Variants in NOS3 observed in about 807,000 individuals in gnomAD.
NOS3 encodes NOS type III.
A neutral mutation model predicts 144.9 loss-of-function variants in NOS3; 98 were observed. The ratio of observed to expected loss-of-function variants is 0.68; its 90% CI spans 0.57 to 0.80. The LOEUF (loss-of-function observed/expected upper bound fraction) is 0.80. Among genes scored for constraint, NOS3 ranks in the 30% least tolerant of loss-of-function variants. The probability of loss-of-function intolerance (pLI) is 0.00; values close to 1 mark genes in which losing one functional copy is unlikely to be tolerated. For synonymous variants in NOS3, 714 were observed against 702.4 expected (o/e 1.02, Z -0.26); for missense variants, 1,465 against 1,656.4 (o/e 0.88, Z 2.01).
rs376955666 is a variant in NOS3 at position 151,014,198 on chromosome 7, G to A, written c.*29G>A. ...CCGCCTGGCTTTCCCTTCCAGTTCC[G>A]GGAGAGCGGCTGCCCGACTCAGGTC... is the stretch of plus-strand genomic sequence containing the variant. On this transcript the variant is annotated 3_prime_UTR_variant, in exon 27 of 27. Coordinates refer to ENST00000297494, the MANE Select transcript of NOS3 (RefSeq NM_000603.5). 26 of 1,578,858 alleles carry A rather than the reference G, an allele frequency of 1.6e-5. No individual in the cohort carries two copies. The African/African-American group carries it at 3.1e-4, about 19-fold the overall frequency.
chr7:150,999,739 G>A (rs1185915775), intron 9 of NOS3, among the ~76,000 whole-genome samples: 1 of 149,724 alleles, frequency 6.7e-6, no homozygotes, highest in African/African-American at 2.5e-5. Flanking sequence ...GAGACTGTGG[G>A]TTTGTGGGGG....
intron 2 of NOS3, among the ~76,000 whole-genome samples, chr7:150,994,822 A>T (rs1179820970): frequency 6.6e-6 from 1 of 152,184 alleles, no homozygotes; most frequent in Non-Finnish European, 1.5e-5. Flanking sequence ...GAGGGAAATC[A>T]GAGCTGAGGA....
intron 2 of NOS3, 116 bp downstream of exon 2, chr7:150,994,077 CAAAAGGGCT>C: frequency 9.1e-7 from 1 of 1,096,714 alleles, no homozygotes; most frequent in South Asian, 1.4e-5. Context: ...GTCACAAATG[CAAAAGGGCT>C]ATTAATGTGC....
At chr7:150,992,683 C>T (rs1802278784) in intron 1 of NOS3, among the ~76,000 whole-genome samples, 1 of 148,068 alleles carries the variant, frequency 6.8e-6, no homozygotes, top group Non-Finnish European at 1.5e-5. Flanking sequence ...AACACAAATC[C>T]TCTTGTTTGT....
rs1183353978 is a variant in NOS3, at chr7:150,993,112, C to T, written c.-51-641C>T. 6.6e-6 allele frequency among the ~76,000 whole-genome samples: 1 copy of T among 152,182 alleles called. No homozygotes were observed. Among genetic ancestry groups the T allele is most frequent in the Non-Finnish European group, 1.5e-5 (1 of 68,038 alleles). The stretch of plus-strand genomic sequence containing the variant: ...GCAGCTTCCTGCTCTTTTGTGTCCC[C>T]CACTTGAGTCATGGGGGTGTGGGGG... On this transcript the variant is annotated intron_variant, in intron 1 of 26. Transcript: ENST00000297494. The surrounding 1 kb of genome is among the most constrained non-coding windows in gnomAD (Gnocchi z 4.0).
Position 151,010,591 on chromosome 7 carries a change from C to T in NOS3, c.2686-6C>T, listed in dbSNP as rs376535468. ...GCCTCCAACCCACTGCATCCTGCCC[C>T]GCCAGGATCCCCGACGCTACGAGGA... On this transcript the variant is annotated splice_polypyrimidine_tract_variant and splice_region_variant and intron_variant, in intron 21 of 26. Transcript: ENST00000297494. The T allele has an allele frequency of 1.1e-5, 17 of 1,572,242 alleles. No individual in the cohort carries two copies. The highest frequency in any genetic ancestry group is 2.0e-4 in the Middle Eastern group (1 of 4,976).
chr7:151,000,526 C>A lies in NOS3; in HGVS notation c.1160C>A (p.Thr387Asn). The change falls in exon 10 of 27, where the codon ACC becomes AAC. Residue 387 changes from threonine to asparagine, a missense_variant. Around this residue, in one of 5 missense-constraint regions of NOS3, gnomAD observed 745 missense variants for 853.9 expected, o/e 0.87. Transcript: ENST00000297494. ...GTGGCTGTCTGCATGGACCTGGATA[C>A]CCGGACCACCTCGTCCCTGTGGAAA... is the stretch of plus-strand genomic sequence containing the variant. ...EDVAVCMDLD[T>N]RTTSSLWKDK... 1.2e-6 allele frequency: 2 copies of A among 1,613,470 alleles called. No individual in the cohort carries two copies. Among genetic ancestry groups the A allele is most frequent in the South Asian group, 2.2e-5 (2 of 91,080 alleles).
chr7:150,997,293 T>C (rs539240045), intron 5 of NOS3, among the ~76,000 whole-genome samples: 250 of 151,250 alleles, frequency 1.7e-3, no homozygotes, highest in Middle Eastern at 3.4e-3. Flanking sequence ...CTAGACCTGC[T>C]GCGGGGGTGA....
At chr7:150,995,135 G>C in intron 2 of NOS3, 68 bp from the exon 3 acceptor site, 1 of 864,518 alleles carries the variant, frequency 1.2e-6, no homozygotes, top group South Asian at 1.6e-5. Context: ...AGGGGCCTCC[G>C]GGTGACATCT....
At chr7:150,999,685 G>C (rs1014195512) in intron 9 of NOS3, among the ~76,000 whole-genome samples, 6 of 150,552 alleles carry the variant, frequency 4.0e-5, no homozygotes, top group Non-Finnish European at 8.9e-5. Flanking sequence ...GGTGTGTGGG[G>C]GTAGGTGGGT....
In NOS3 at chr7:151,014,392, C is replaced by T. The variant is rs1365055370; in HGVS notation, c.*223C>T. ...TGGGTCCGCCTTAATCTGGAAGGCC[C>T]CTCCCAGCAGCGGTACCCCAGGGCC... is the stretch of plus-strand genomic sequence containing the variant. On this transcript the variant is annotated 3_prime_UTR_variant, in exon 27 of 27. Coordinates refer to ENST00000297494, the MANE Select transcript of NOS3 (RefSeq NM_000603.5). 3.8e-6 allele frequency: 2 copies of T among 521,854 alleles called. No individual in the cohort carries two copies. Among genetic ancestry groups the T allele is most frequent in the Non-Finnish European group, 6.7e-6 (2 of 299,504 alleles). The allele number at this position is 521,854 out of a possible 1,614,324, so 32.3% of individuals were successfully genotyped here. A position where few individuals can be genotyped will look rare whatever the true frequency, so the allele number is the denominator to read the frequency against.
chr7:151,010,429 T>G, intron 21 of NOS3, 142 bp downstream of exon 21: 1 of 1,044,986 alleles, frequency 9.6e-7, no homozygotes, highest in Non-Finnish European at 1.4e-6. Context: ...AAGACCCAGC[T>G]CCTCAGGGAG....
intron 15 of NOS3, among the ~76,000 whole-genome samples, 185 bp downstream of exon 15, chr7:151,006,679 G>C (rs1422534671): frequency 6.6e-6 from 1 of 152,220 alleles, no homozygotes; most frequent in East Asian, 1.9e-4. Context: ...CTGAGAGCCG[G>C]GACAGTCCTG....
chr7:150,991,245 C>G lies in NOS3; in HGVS notation c.-107C>G, dbSNP rs1428862098. On this transcript the variant is annotated 5_prime_UTR_variant, in exon 1 of 27. Coordinates refer to ENST00000297494, the MANE Select transcript of NOS3 (RefSeq NM_000603.5). ...ACAAGACTCCAGGGAAGCACATGGC[C>G]TTGGACTGAAGGCTGGCATCTGGAA... 1 of 152,268 alleles carries G rather than the reference C, an allele frequency of 6.6e-6. No homozygotes were observed. The highest frequency in any genetic ancestry group is 1.5e-5 in the Non-Finnish European group (1 of 68,088). 9.4% of individuals were successfully genotyped at this position (152,268 alleles called of 1,614,324 possible).
At chr7:151,011,367 C>CT (rs1189552896) in intron 23 of NOS3, among the ~76,000 whole-genome samples, 3 of 75,692 alleles carry the variant, frequency 4.0e-5, no homozygotes, top group Non-Finnish European at 1.1e-4. Context: ...GTTAAGACCA[C>CT]CCTTGGCCTT....
chr7:151,013,808 T>A lies in NOS3; in HGVS notation c.3340T>A (p.Cys1114Ser). The A allele has an allele frequency of 6.2e-7, 1 of 1,610,344 alleles. No individual in the cohort carries two copies. The highest frequency in any genetic ancestry group is 8.5e-7 in the Non-Finnish European group (1 of 1,178,860). Residue 1114 changes from cysteine (C) to serine (S), a missense_variant, in exon 26 of 27, where the codon TGC (cysteine) becomes AGC (serine). Cys to Ser is a moderately radical substitution (Grantham distance 112). This residue lies in a region of NOS3 where 228 missense variants were observed against 227.7 expected (regional missense o/e 1.00). Transcript: ENST00000297494. ...CCTCGAGCGGGGCCACATGTTTGTC[T>A]GCGGCGATGTTACCATGGCAACCAA... Reference protein sequence around the residue: ...LCLERGHMFVCGDVTMATNVL... With the variant: ...LCLERGHMFVSGDVTMATNVL...
chr7:151,004,233 A>G (rs1450196191), intron 14 of NOS3, among the ~76,000 whole-genome samples: 1 of 152,166 alleles, frequency 6.6e-6, no homozygotes, highest in East Asian at 1.9e-4. Context: ...GCTACTCAGG[A>G]GGCTAGGCGG....
intron 2 of NOS3, among the ~76,000 whole-genome samples, chr7:150,994,857 C>T (rs1159577696): frequency 2.6e-5 from 4 of 152,186 alleles, no homozygotes; most frequent in Non-Finnish European, 5.9e-5. Flanking sequence ...TCCCTCCACT[C>T]AAGCACCAGG....
rs1056482974 is a variant in NOS3, at chr7:151,003,133, T to C, written c.1752+829T>C. The C allele has an allele frequency of 6.6e-6, 3 of 453,044 alleles. No homozygotes were observed. Among genetic ancestry groups the C allele is most frequent in the African/African-American group, 6.0e-5 (3 of 49,912 alleles). The allele number at this position is 453,044 out of a possible 1,614,324, so 28.1% of individuals were successfully genotyped here. On this transcript the variant is annotated intron_variant, in intron 14 of 26. Transcript: ENST00000297494. The surrounding 1 kb of genome is among the most constrained non-coding windows in gnomAD (Gnocchi z 4.1). ...AGTACTTCCTCAGTACTCTTTTTTC[T>C]TTTTTCCTTTGAGACAGGGTCTCAC...
Sources: gnomAD v4.1 joint callset for allele counts (sites outside exome capture counted in the v4.1 genomes callset) on GRCh38, gnomAD v4.1.1 for gene constraint, gnomAD v4.1.1 regional missense constraint, Gnocchi (gnomAD v3.1) non-coding constraint, MANE v1.5 for transcripts, NCBI Gene and HGNC (gene_info 2026-07-23, HGNC 2026-07-21) for gene names.